MAGI2: variants seen among roughly 807,000 people sequenced by gnomAD.
MAGI2 encodes the protein membrane associated guanylate kinase, WW and PDZ domain containing 2.
In MAGI2, 35 loss-of-function variants were observed where a neutral mutation model predicts 133.3. The observed-to-expected ratio is 0.26, with a 90% CI of 0.20 to 0.35. The LOEUF (loss-of-function observed/expected upper bound fraction) is 0.35. Ranked by LOEUF, MAGI2 falls within the 10% of genes least tolerant of loss-of-function variation. The pLI, the probability that MAGI2 is intolerant of heterozygous loss-of-function variation, is 1.00. For synonymous variants in MAGI2, 729 were observed against 710.6 expected (o/e 1.03, Z -0.41); for missense variants, 1,636 against 1,863.4 (o/e 0.88, Z 2.25).
chr7:79,212,494 TCTTGCC>T (rs774296108), intron 1 of MAGI2, among the ~76,000 whole-genome samples: 37 of 152,086 alleles, frequency 2.4e-4, no homozygotes, highest in Non-Finnish European at 4.9e-4. Context: ...TTCCTCAAAC[TCTTGCC>T]AGTGCAGGGT....
intron 1 of MAGI2, among the ~76,000 whole-genome samples, chr7:79,208,869 G>A (rs1377271854): frequency 6.6e-6 from 1 of 151,926 alleles, no homozygotes. Context: ...ATGAAATCCT[G>A]TCATTCGTGA....
At chr7:78,625,202 T>A (rs904402072) in intron 3 of MAGI2, among the ~76,000 whole-genome samples, 3 of 152,146 alleles carry the variant, frequency 2.0e-5, no homozygotes, top group African/African-American at 7.2e-5. Context: ...TTAAAAATAC[T>A]ATAAAATTTG....
intron 1 of MAGI2, among the ~76,000 whole-genome samples, chr7:79,335,738 G>A (rs1292279758): frequency 6.6e-6 from 1 of 151,940 alleles, no homozygotes; most frequent in Non-Finnish European, 1.5e-5. Flanking sequence ...AAAAATTTGA[G>A]CTAAAAGCTA....
chr7:78,326,685 A>G (rs1203717997), intron 9 of MAGI2, among the ~76,000 whole-genome samples: 4 of 152,192 alleles, frequency 2.6e-5, no homozygotes, highest in South Asian at 2.1e-4. Context: ...TTTTTTACCA[A>G]TTACTACTTT....
intron 1 of MAGI2, among the ~76,000 whole-genome samples, chr7:79,154,325 G>T (rs1221842320): frequency 6.6e-6 from 1 of 152,174 alleles, no homozygotes; most frequent in Non-Finnish European, 1.5e-5. Context: ...TACCAACTTT[G>T]CTGGATGACA....
chr7:78,616,966 T>G (rs1807173478), intron 3 of MAGI2: 1 of 152,152 alleles, frequency 6.6e-6, no homozygotes, highest in Non-Finnish European at 1.5e-5. Flanking sequence ...TCTAGTGAGG[T>G]ACACTGACAA....
chr7:78,205,173 C>T (rs944012333), intron 10 of MAGI2, among the ~76,000 whole-genome samples: 2 of 152,196 alleles, frequency 1.3e-5, no homozygotes, highest in Non-Finnish European at 2.9e-5. Flanking sequence ...CTTGGTCACC[C>T]CACGCTGAAG....
chr7:78,360,988 C>T (rs7802036), intron 7 of MAGI2, among the ~76,000 whole-genome samples: 47,458 of 151,970 alleles, frequency 0.31, 7,891 homozygotes, highest in East Asian at 0.57. Flanking sequence ...CACACTGTTA[C>T]CTTCTGCCAG....
intron 6 of MAGI2, among the ~76,000 whole-genome samples, chr7:78,415,374 G>A (rs1488881225): frequency 6.6e-6 from 1 of 151,678 alleles, no homozygotes; most frequent in East Asian, 1.9e-4. Context: ...TATTCCAAAA[G>A]GTTTATAAAA....
intron 5 of MAGI2, among the ~76,000 whole-genome samples, chr7:78,495,849 G>C (rs952270081): frequency 2.0e-5 from 3 of 151,846 alleles, no homozygotes; most frequent in African/African-American, 4.8e-5. Context: ...TTTTCTGTCT[G>C]GAAATTACAC....
intron 3 of MAGI2, among the ~76,000 whole-genome samples, chr7:78,593,709 TACA>T (rs1804292019): frequency 6.6e-6 from 1 of 152,188 alleles, no homozygotes; most frequent in South Asian, 2.1e-4. Flanking sequence ...TGTCTCTGAG[TACA>T]ACATGAAAGC....
intron 2 of MAGI2, among the ~76,000 whole-genome samples, chr7:78,983,294 G>C (rs1415007534): frequency 6.6e-6 from 1 of 151,820 alleles, no homozygotes; most frequent in Non-Finnish European, 1.5e-5. Context: ...CTGGACAAGA[G>C]GTAAATACAT....
At chr7:78,896,173 C>G (rs1274148962) in intron 2 of MAGI2, among the ~76,000 whole-genome samples, 1 of 152,106 alleles carries the variant, frequency 6.6e-6, no homozygotes, top group East Asian at 1.9e-4. Context: ...TTAAGAAAGA[C>G]CCTGTTTATT....
At chr7:79,430,044 T>C (rs1384586498) in intron 1 of MAGI2, among the ~76,000 whole-genome samples, 3 of 152,158 alleles carry the variant, frequency 2.0e-5, no homozygotes, top group Admixed American at 6.5e-5. Flanking sequence ...AGCTAATGGA[T>C]TCAAAATGGA....
At chr7:78,212,322 T>G (rs1441677045) in intron 10 of MAGI2, among the ~76,000 whole-genome samples, 1 of 152,166 alleles carries the variant, frequency 6.6e-6, no homozygotes, top group Non-Finnish European at 1.5e-5. Context: ...CTAAAGGCCT[T>G]CAGATGCAAA....
At chr7:78,511,733 A>G (rs1795599011) in intron 4 of MAGI2, among the ~76,000 whole-genome samples, 1 of 150,788 alleles carries the variant, frequency 6.6e-6, no homozygotes, top group Non-Finnish European at 1.5e-5. Flanking sequence ...ATTGACTTTT[A>G]GTCAGTTTTT....
intron 1 of MAGI2, among the ~76,000 whole-genome samples, chr7:79,270,471 A>T (rs1213894945): frequency 1.3e-5 from 2 of 152,184 alleles, no homozygotes; most frequent in African/African-American, 4.8e-5. Context: ...GCAATCTGTG[A>T]TCATCAATTA....
intron 1 of MAGI2, among the ~76,000 whole-genome samples, chr7:79,219,006 A>G (rs971267800): frequency 2.0e-5 from 3 of 152,066 alleles, no homozygotes; most frequent in Non-Finnish European, 4.4e-5. Flanking sequence ...AAAGAACCCT[A>G]GGGATTTTGC....
Position 78,322,742 on chromosome 7 carries a change from C to T in MAGI2, c.1408+21036G>A, listed in dbSNP as rs75653205. ...ACCTGCACGTTCTGCACATGTACCCCGGAATTTAATGTATAAAAAAAAATT... is the reference window on the plus strand; with the variant it reads ...ACCTGCACGTTCTGCACATGTACCCTGGAATTTAATGTATAAAAAAAAATT... On this transcript the variant is annotated intron_variant, in intron 9 of 21. Coordinates refer to ENST00000354212, the MANE Select transcript of MAGI2 (RefSeq NM_012301.4). 5.9e-4 allele frequency among the ~76,000 whole-genome samples: 90 copies of T among 151,530 alleles called. 2 individuals carry two copies. In the East Asian group the frequency reaches 0.015, roughly 25 times the overall value.
Sources: allele counts gnomAD v4.1 joint callset (sites outside exome capture counted in the v4.1 genomes callset), GRCh38; gene constraint gnomAD v4.1.1; transcripts MANE v1.5; gene names NCBI Gene and HGNC (gene_info 2026-07-23, HGNC 2026-07-21).